Variants in MIS18A observed in about 807,000 individuals in gnomAD.
MIS18A encodes the protein protein Mis18-alpha.
Under a neutral mutation model 25.0 loss-of-function variants are expected in MIS18A, and 14 were observed. The ratio of observed to expected loss-of-function variants is 0.56; its 90% confidence interval spans 0.37 to 0.88. The LOEUF is 0.88. MIS18A is among the 40% of genes least tolerant of loss of function. MIS18A has a pLI of 0.00. For missense variants in MIS18A, 292 were observed against 290.8 expected (o/e 1.00, Z -0.03); for synonymous variants, 134 against 118.6 (o/e 1.13, Z -0.84).
chr21:32,228,579 G>C, the MIS18A span, among the ~76,000 whole-genome samples: 14,904 of 152,112 alleles, frequency 0.098, 806 homozygotes, highest in East Asian at 0.16. Context: ...CAGATGGCAT[G>C]ATTTTGCATA....
At chr21:32,180,554 CAT>C in the MIS18A span, among the ~76,000 whole-genome samples, 14 of 152,324 alleles carry the variant, frequency 9.2e-5, no homozygotes, top group East Asian at 1.7e-3. Flanking sequence ...TTCTTGTGCA[CAT>C]GTGTCAGTTT....
chr21:32,251,573 TC>T, the MIS18A span, among the ~76,000 whole-genome samples: 1 of 152,192 alleles, frequency 6.6e-6, no homozygotes, highest in Admixed American at 6.5e-5. Flanking sequence ...TTTAACCCTG[TC>T]AGCCCCCAAA....
At chr21:32,220,823 T>C in the MIS18A span, among the ~76,000 whole-genome samples, 349 of 151,708 alleles carry the variant, frequency 2.3e-3, 6 homozygotes, top group East Asian at 0.043. Flanking sequence ...CACAAGAACT[T>C]TGTGAAGCCT....
the MIS18A span, among the ~76,000 whole-genome samples, chr21:32,185,425 G>A: frequency 5.3e-5 from 8 of 152,138 alleles, no homozygotes; most frequent in East Asian, 1.9e-4. Flanking sequence ...GAGGCCTGTG[G>A]TGCTCCCATG....
chr21:32,222,934 CA>C, the MIS18A span, among the ~76,000 whole-genome samples: 8,302 of 65,930 alleles, frequency 0.13, 258 homozygotes, highest in East Asian at 0.23. Context: ...GACTCCGTCT[CA>C]AAAAAAAAAA....
the MIS18A span, among the ~76,000 whole-genome samples, chr21:32,203,834 G>C: frequency 6.6e-6 from 1 of 151,994 alleles, no homozygotes; most frequent in African/African-American, 2.4e-5. Flanking sequence ...GCCCAGGCTG[G>C]TCTTGGACTC....
At chr21:32,225,409 C>T in the MIS18A span, among the ~76,000 whole-genome samples, 1 of 68,138 alleles carries the variant, frequency 1.5e-5, no homozygotes. Flanking sequence ...CCAGAATCTA[C>T]AATGAACTCA....
At chr21:32,196,684 C>T in the MIS18A span, among the ~76,000 whole-genome samples, 1 of 152,090 alleles carries the variant, frequency 6.6e-6, no homozygotes. Context: ...GATCTCCTGA[C>T]CTCAAATGAT....
chr21:32,278,916 C>G lies in MIS18A; in HGVS notation c.99G>C (p.Lys33Asn), dbSNP rs1370716874. The G allele has an allele frequency of 6.2e-7, 1 of 1,613,696 alleles. No individual in the cohort carries two copies. The change falls in exon 1 of 5, where the codon AAG becomes AAC. Residue 33 changes from lysine to asparagine, a missense_variant. Coordinates refer to ENST00000290130, the MANE Select transcript of MIS18A (RefSeq NM_018944.3). Reference sequence around the variant, plus strand: ...GGCGGCTCGAGTCTTCGGAGAGTCTCTTGCCCAACAGCGAGGAGTCGCTGC... The same window carrying G: ...GGCGGCTCGAGTCTTCGGAGAGTCTGTTGCCCAACAGCGAGGAGTCGCTGC... ...GKCSDSSLLG[K>N]RLSEDSSRHQ...
At chr21:32,236,618 C>T in the MIS18A span, among the ~76,000 whole-genome samples, 489 of 152,158 alleles carry the variant, frequency 3.2e-3, 3 homozygotes, top group African/African-American at 0.011. Flanking sequence ...CTGGTGAGTC[C>T]AGCGTGGTTC....
the MIS18A span, among the ~76,000 whole-genome samples, chr21:32,182,401 C>T: frequency 2.5e-3 from 163 of 66,110 alleles, no homozygotes; most frequent in Admixed American, 7.4e-3. Context: ...GAACAGCATC[C>T]CCCCCACAAA....
rs752322837 is a variant in MIS18A, at chr21:32,276,714, G to A, written c.335-1818C>T. Among the ~76,000 whole-genome samples the A allele has an allele frequency of 9.2e-4, 140 of 152,140 alleles. 1 individual carries two copies. The highest frequency in any genetic ancestry group is 1.5e-3 in the South Asian group (7 of 4,826). On this transcript the variant is annotated intron_variant, in intron 1 of 4. Transcript: ENST00000290130. The stretch of plus-strand genomic sequence containing the variant: ...AGGAGGCCGAAGCAGGGGATTGCTT[G>A]GGGCCAGGAGTTTGAGATCAGCCTG...
intron 1 of MIS18A, 81 bp downstream of exon 1, chr21:32,278,599 GC>G (rs1468926365): frequency 1.5e-5 from 21 of 1,356,160 alleles, no homozygotes; most frequent in Non-Finnish European, 1.9e-5. Context: ...AGGAGCCCCC[GC>G]CTCCTCCCGG....
chr21:32,240,516 T>C, the MIS18A span, among the ~76,000 whole-genome samples: 2 of 152,212 alleles, frequency 1.3e-5, no homozygotes, highest in African/African-American at 4.8e-5. Flanking sequence ...TGGTGGTATT[T>C]TCTTATAGCA....
At chr21:32,222,672 C>T in the MIS18A span, among the ~76,000 whole-genome samples, 1 of 152,288 alleles carries the variant, frequency 6.6e-6, no homozygotes, top group Admixed American at 6.5e-5. Context: ...TGGCTCATGC[C>T]TGTAATCCCA....
At chr21:32,241,761 G>A in the MIS18A span, among the ~76,000 whole-genome samples, 3 of 152,148 alleles carry the variant, frequency 2.0e-5, no homozygotes, top group African/African-American at 7.2e-5. Context: ...TCACTATAAA[G>A]AGCACAATTA....
the MIS18A span, among the ~76,000 whole-genome samples, chr21:32,262,621 G>A: frequency 6.6e-6 from 1 of 152,180 alleles, no homozygotes; most frequent in South Asian, 2.1e-4. Flanking sequence ...TTTCCTTTCA[G>A]GGTTACGTGA....
At chr21:32,269,632 T>C in intron 4 of MIS18A, 75 bp downstream of exon 4, 1 of 839,388 alleles carries the variant, frequency 1.2e-6, no homozygotes, top group Non-Finnish European at 2.0e-6. Flanking sequence ...TTATGAGAAT[T>C]ATCGTTTGTG....
At chr21:32,174,338 G>C in the MIS18A span, among the ~76,000 whole-genome samples, 1 of 152,058 alleles carries the variant, frequency 6.6e-6, no homozygotes. Context: ...ATAGAAGAAA[G>C]TTGAAAGTAA....
Sources: allele counts gnomAD v4.1 joint callset (sites outside exome capture counted in the v4.1 genomes callset), GRCh38; gene constraint gnomAD v4.1.1; transcripts MANE v1.5; gene names NCBI Gene and HGNC (gene_info 2026-07-23, HGNC 2026-07-21).